TTLL11: variants seen among roughly 807,000 people sequenced by gnomAD.
The protein encoded by TTLL11 is tubulin tyrosine ligase like 11.
A neutral mutation model predicts 51.7 loss-of-function variants in TTLL11; 42 were observed. The ratio of observed to expected loss-of-function variants is 0.81; its 90% CI spans 0.64 to 1.05. The LOEUF is 1.05. TTLL11 is among the 50% of genes least tolerant of loss of function. The pLI is 0.00. For missense variants in TTLL11, 799 were observed against 940.4 expected, an observed-to-expected ratio of 0.85 and a Z score of 1.97; for synonymous variants, 381 against 383.5, an observed-to-expected ratio of 0.99 and a Z score of 0.08.
intron 3 of TTLL11, among the ~76,000 whole-genome samples, chr9:121,993,604 G>A (rs1439185409): frequency 2.6e-5 from 4 of 152,188 alleles, no homozygotes; most frequent in African/African-American, 9.7e-5. Context: ...TCATCACGTC[G>A]GAGAGTTCCT....
At chr9:122,085,438 C>G (rs1344815535) in intron 1 of TTLL11, among the ~76,000 whole-genome samples, 1 of 152,118 alleles carries the variant, frequency 6.6e-6, no homozygotes, top group Non-Finnish European at 1.5e-5. Flanking sequence ...GACATTCACC[C>G]AAAATGCAAC....
At chr9:121,957,520 A>G (rs1053771007) in intron 6 of TTLL11, among the ~76,000 whole-genome samples, 1 of 152,142 alleles carries the variant, frequency 6.6e-6, no homozygotes, top group Admixed American at 6.5e-5. Context: ...TTTGCAGAAA[A>G]TACTGTGCTT....
chr9:122,050,186 C>T (rs552911953), intron 1 of TTLL11, among the ~76,000 whole-genome samples: 52 of 152,280 alleles, frequency 3.4e-4, no homozygotes, highest in African/African-American at 9.1e-4. Flanking sequence ...ATGTGGACTG[C>T]GATAACACAT....
chr9:122,071,279 T>C (rs1239367850), intron 1 of TTLL11, among the ~76,000 whole-genome samples: 3 of 152,196 alleles, frequency 2.0e-5, no homozygotes, highest in Non-Finnish European at 4.4e-5. Context: ...CATTGGTTAC[T>C]TAATGGCCCT....
intron 3 of TTLL11, among the ~76,000 whole-genome samples, chr9:122,002,567 G>C (rs893990977): frequency 6.6e-6 from 1 of 152,136 alleles, no homozygotes; most frequent in African/African-American, 2.4e-5. Context: ...GCATGACAAA[G>C]CTCTTTAGTT....
intron 3 of TTLL11, among the ~76,000 whole-genome samples, chr9:122,025,757 T>C (rs1167949993): frequency 6.6e-6 from 1 of 152,194 alleles, no homozygotes; most frequent in Non-Finnish European, 1.5e-5. Context: ...AAATTAAATA[T>C]GCACCTACTA....
chr9:121,848,133 G>A (rs79638054), intron 8 of TTLL11, among the ~76,000 whole-genome samples: 4,132 of 151,874 alleles, frequency 0.027, 106 homozygotes, highest in African/African-American at 0.063. Flanking sequence ...CTTAAGCCCA[G>A]GACTTTGAGT....
intron 2 of TTLL11, among the ~76,000 whole-genome samples, chr9:122,034,072 C>T (rs1844633327): frequency 6.6e-6 from 1 of 152,202 alleles, no homozygotes; most frequent in Non-Finnish European, 1.5e-5. Flanking sequence ...AACTGAAAGC[C>T]TTCATAACTA....
At chr9:121,985,508 C>CTTTTTTTTTTTT (rs766262272) in intron 4 of TTLL11, among the ~76,000 whole-genome samples, 7 of 131,340 alleles carry the variant, frequency 5.3e-5, no homozygotes, top group African/African-American at 1.2e-4. Context: ...ATACCATTTT[C>CTTTTTTTTTTTT]TTTTCTTTTT....
At chr9:121,974,281 G>T (rs531864569) in intron 5 of TTLL11, among the ~76,000 whole-genome samples, 157 bp from the exon 6 acceptor site, 1 of 152,212 alleles carries the variant, frequency 6.6e-6, no homozygotes, top group Non-Finnish European at 1.5e-5. Flanking sequence ...TAAGAATGTC[G>T]ATTTCCTTTT....
intron 1 of TTLL11, among the ~76,000 whole-genome samples, chr9:122,061,466 C>T (rs1564380540): frequency 6.6e-6 from 1 of 152,122 alleles, no homozygotes; most frequent in African/African-American, 2.4e-5. Flanking sequence ...AGCACATGGA[C>T]AAGAATTTCT....
At chr9:121,905,251 T>C (rs971470031) in intron 6 of TTLL11, among the ~76,000 whole-genome samples, 25 of 152,230 alleles carry the variant, frequency 1.6e-4, no homozygotes, top group Non-Finnish European at 3.2e-4. Context: ...TCACTTTTAG[T>C]ATTTTGATAA....
intron 4 of TTLL11, among the ~76,000 whole-genome samples, chr9:121,976,740 A>C (rs1842721669): frequency 6.6e-6 from 1 of 152,214 alleles, no homozygotes; most frequent in African/African-American, 2.4e-5. Context: ...TTTTCAATGA[A>C]GGGCAATAAG....
chr9:122,069,511 C>T lies in TTLL11; in HGVS notation c.462+23176G>A, dbSNP rs1435638307. 4.6e-5 allele frequency among the ~76,000 whole-genome samples: 7 copies of T among 152,228 alleles called. No individual in the cohort carries two copies. In the East Asian group the frequency reaches 1.2e-3, roughly 25 times the overall value. Reference sequence around the variant, plus strand: ...CAGCCTGGCCAACATGGCAAAACCTCGTCCTACTAAAAATACAAAAATTAT... The same window carrying T: ...CAGCCTGGCCAACATGGCAAAACCTTGTCCTACTAAAAATACAAAAATTAT... On this transcript the variant is annotated intron_variant, in intron 1 of 8. Coordinates refer to ENST00000321582, the MANE Select transcript of TTLL11 (RefSeq NM_001139442.2).
intron 6 of TTLL11, among the ~76,000 whole-genome samples, chr9:121,949,473 A>G (rs1197501111): frequency 3.3e-5 from 5 of 152,230 alleles, no homozygotes; most frequent in African/African-American, 1.2e-4. Context: ...GACAATGAGC[A>G]TAATAACTAA....
At chr9:122,004,774 C>T (rs1196089115) in intron 3 of TTLL11, among the ~76,000 whole-genome samples, 3 of 152,236 alleles carry the variant, frequency 2.0e-5, no homozygotes, top group Admixed American at 2.0e-4. Flanking sequence ...CCAAGTCTTT[C>T]CATGACACCA....
At chr9:121,966,999 C>T (rs898368585) in intron 6 of TTLL11, among the ~76,000 whole-genome samples, 2 of 152,162 alleles carry the variant, frequency 1.3e-5, no homozygotes, top group African/African-American at 4.8e-5. Flanking sequence ...CTTTCTCACA[C>T]GTGTCATTTC....
At chr9:122,002,051 G>A (rs1402245084) in intron 3 of TTLL11, among the ~76,000 whole-genome samples, 2 of 152,208 alleles carry the variant, frequency 1.3e-5, no homozygotes, top group African/African-American at 2.4e-5. Flanking sequence ...CAGAAGCCAC[G>A]TTTCCTTAAA....
chr9:122,043,713 G>C (rs772765897), intron 1 of TTLL11, among the ~76,000 whole-genome samples: 1 of 151,860 alleles, frequency 6.6e-6, no homozygotes, highest in Non-Finnish European at 1.5e-5. Context: ...GTAAATCAAA[G>C]ATAAAAATTA....
Sources: allele counts gnomAD v4.1 joint callset (sites outside exome capture counted in the v4.1 genomes callset), GRCh38; gene constraint gnomAD v4.1.1; transcripts MANE v1.5; gene names NCBI Gene and HGNC (gene_info 2026-07-23, HGNC 2026-07-21).